Variants in ACAD11 observed in about 807,000 individuals in gnomAD.
ACAD11 encodes the protein acyl-CoA dehydrogenase family member 11.
ACAD11 carries 83 observed loss-of-function variants against 102.2 expected under a neutral mutation model. The observed-to-expected ratio is 0.81, with a 90% CI of 0.68 to 0.97. ACAD11 has a LOEUF of 0.97. Ranked by LOEUF, ACAD11 falls within the 50% of genes least tolerant of loss-of-function variation. The probability of loss-of-function intolerance (pLI) is 0.00; values close to 1 mark genes in which losing one functional copy is unlikely to be tolerated. For synonymous variants in ACAD11, 324 were observed against 319.8 expected (o/e 1.01, Z -0.14); for missense variants, 901 against 951.7 (o/e 0.95, Z 0.70).
chr3:132,619,056 C>A (rs1168438703), intron 10 of ACAD11: 6 of 332,988 alleles, frequency 1.8e-5, no homozygotes, highest in Non-Finnish European at 3.2e-5. Flanking sequence ...AGAACTATTA[C>A]AAAATCTCCC....
intron 13 of ACAD11, among the ~76,000 whole-genome samples, chr3:132,599,573 T>C (rs1938476899): frequency 6.6e-6 from 1 of 152,004 alleles, no homozygotes. Flanking sequence ...AGAAACATAA[T>C]AGCTGAATTG....
At chr3:132,563,110 C>T (rs1380608017) in intron 17 of ACAD11, among the ~76,000 whole-genome samples, 1 of 152,156 alleles carries the variant, frequency 6.6e-6, no homozygotes, top group African/African-American at 2.4e-5. Context: ...TGCCTTTGCA[C>T]CTATGTAAAA....
At chr3:132,658,307 T>C (rs1406439844) in intron 1 of ACAD11, among the ~76,000 whole-genome samples, 1 of 152,222 alleles carries the variant, frequency 6.6e-6, no homozygotes, top group Non-Finnish European at 1.5e-5. Context: ...GAGTTCCATA[T>C]ATATTTATTA....
rs898818641 is a variant in ACAD11 at position 132,597,549 on chromosome 3, A to G, written c.1621+5680T>C. Among the ~76,000 whole-genome samples the G allele has an allele frequency of 2.0e-5, 3 of 152,084 alleles. No homozygotes were observed. In the South Asian group the frequency reaches 6.2e-4, roughly 31 times the overall value. On this transcript the variant is annotated intron_variant, in intron 13 of 19. Coordinates refer to ENST00000264990, the MANE Select transcript of ACAD11 (RefSeq NM_032169.5). ...ATTTTAAATGCCATTACTTGTCGGT[A>G]AAACTTTGTTAAGGAGAAAATAGGT...
At chr3:132,632,715 G>C (rs917875256) in intron 5 of ACAD11, among the ~76,000 whole-genome samples, 1 of 151,978 alleles carries the variant, frequency 6.6e-6, no homozygotes, top group Admixed American at 6.6e-5. Context: ...CATGAGCATG[G>C]AATGTTCTTC....
At chr3:132,594,027 G>A (rs1033192594) in intron 13 of ACAD11, among the ~76,000 whole-genome samples, 2 of 152,062 alleles carry the variant, frequency 1.3e-5, no homozygotes, top group African/African-American at 4.8e-5. Flanking sequence ...AGTTCTATCA[G>A]GAGAAAAGGG....
At chr3:132,610,000 T>C (rs561321271) in intron 11 of ACAD11, among the ~76,000 whole-genome samples, 1 of 152,180 alleles carries the variant, frequency 6.6e-6, no homozygotes, top group South Asian at 2.1e-4. Flanking sequence ...ATGTAATCCA[T>C]CACATAAACA....
chr3:132,648,827 G>A (rs1310851197), intron 1 of ACAD11: 2 of 152,152 alleles, frequency 1.3e-5, no homozygotes, highest in African/African-American at 4.8e-5. Flanking sequence ...GACTGTTACT[G>A]TGTCTATGTA....
chr3:132,591,070 C>T (rs989074488), intron 13 of ACAD11, among the ~76,000 whole-genome samples: 5 of 152,086 alleles, frequency 3.3e-5, no homozygotes, highest in African/African-American at 9.7e-5. Flanking sequence ...TTGTCATGTA[C>T]CCTTTGCCCA....
intron 11 of ACAD11, among the ~76,000 whole-genome samples, chr3:132,606,810 C>T (rs1017832226): frequency 2.0e-5 from 3 of 152,206 alleles, no homozygotes; most frequent in Non-Finnish European, 2.9e-5. Flanking sequence ...TCAAGTGGGT[C>T]CCTGACCCCC....
At chr3:132,612,552 A>G (rs1188286482) in intron 11 of ACAD11, among the ~76,000 whole-genome samples, 2 of 152,200 alleles carry the variant, frequency 1.3e-5, no homozygotes, top group East Asian at 1.9e-4. Flanking sequence ...AACCCCATCA[A>G]CAAGTGGGTG....
At chr3:132,589,028 C>A (rs1337523930) in intron 13 of ACAD11, among the ~76,000 whole-genome samples, 1 of 152,078 alleles carries the variant, frequency 6.6e-6, no homozygotes, top group Admixed American at 6.5e-5. Context: ...GATTAAAATG[C>A]AATTAGTGTA....
chr3:132,582,223 T>C (rs1488743439), intron 13 of ACAD11, among the ~76,000 whole-genome samples: 1 of 151,888 alleles, frequency 6.6e-6, no homozygotes, highest in African/African-American at 2.4e-5. Context: ...AGTGAAATTG[T>C]CATTATTCAA....
chr3:132,573,636 T>C (rs1412404682), intron 17 of ACAD11, among the ~76,000 whole-genome samples: 1 of 152,216 alleles, frequency 6.6e-6, no homozygotes, highest in Non-Finnish European at 1.5e-5. Flanking sequence ...TATTTTTTGA[T>C]GGCTGTAAAA....
chr3:132,639,647 A>T lies in ACAD11; in HGVS notation c.547T>A (p.Trp183Arg), dbSNP rs777124294. The stretch of plus-strand genomic sequence containing the variant: ...GCTGCAGCTTGATATTGCTTTGTCC[A>T]GGTTGATACCTAAAGACATATAAAT... Reference protein sequence around the residue: ...AGYCKRQVSTWTKQYQAAAHQ... With the variant: ...AGYCKRQVSTRTKQYQAAAHQ... The change falls in exon 5 of 20, where the codon TGG (tryptophan) becomes AGG (arginine). Residue 183 changes from tryptophan to arginine, a missense_variant. Coordinates refer to ENST00000264990, the MANE Select transcript of ACAD11 (RefSeq NM_032169.5). 6.2e-7 allele frequency: 1 copy of T among 1,612,502 alleles called. No individual in the cohort carries two copies.
At chr3:132,658,018 C>T (rs1224770680) in intron 1 of ACAD11, among the ~76,000 whole-genome samples, 2 of 151,918 alleles carry the variant, frequency 1.3e-5, no homozygotes, top group African/African-American at 4.8e-5. Flanking sequence ...CGTGCCACCA[C>T]GCCCGGCTAA....
At chr3:132,610,163 A>C (rs1485562681) in intron 11 of ACAD11, among the ~76,000 whole-genome samples, 1 of 152,198 alleles carries the variant, frequency 6.6e-6, no homozygotes, top group Non-Finnish European at 1.5e-5. Context: ...ACCCACAGCC[A>C]ATATCATACT....
rs150769513 is a variant in ACAD11, at chr3:132,601,048, G to T, written c.1621+2181C>A. 1.4e-5 allele frequency: 22 copies of T among 1,613,804 alleles called. No homozygotes were observed. The African/African-American group carries it at 2.8e-4, about 21-fold the overall frequency. On this transcript the variant is annotated intron_variant, in intron 13 of 19. Coordinates refer to ENST00000264990, the MANE Select transcript of ACAD11 (RefSeq NM_032169.5). ...TTGTAGTACCCTTTCTTATTATGGG[G>T]GTGTGCTACTTTATCACAGCAAGGA...
chr3:132,600,894 T>A (rs1437362098), intron 13 of ACAD11: 19 of 1,613,350 alleles, frequency 1.2e-5, no homozygotes, highest in Non-Finnish European at 1.6e-5. Flanking sequence ...ATGGCTGCCA[T>A]CTTGCTGAGC....
Sources: gnomAD v4.1 joint callset for allele counts (sites outside exome capture counted in the v4.1 genomes callset) on GRCh38, gnomAD v4.1.1 for gene constraint, MANE v1.5 for transcripts, NCBI Gene and HGNC (gene_info 2026-07-23, HGNC 2026-07-21) for gene names.